The following PARPBP variants were observed in gnomAD, a reference collection of about 807,000 sequenced individuals.
PARPBP encodes the protein PARP1 binding protein.
PARPBP carries 52 observed loss-of-function variants against 50.0 expected under a neutral mutation model. That is an observed-to-expected ratio of 1.04 (90% confidence interval 0.83 to 1.31). The LOEUF (loss-of-function observed/expected upper bound fraction) is 1.31. Ranked by LOEUF, PARPBP falls within the 50% of genes most tolerant of loss-of-function variation. The pLI, the probability that PARPBP is intolerant of heterozygous loss-of-function variation, is 0.00. For synonymous variants in PARPBP, 244 were observed against 232.1 expected (o/e 1.05, Z -0.47); for missense variants, 697 against 672.0 (o/e 1.04, Z -0.41).
In PARPBP at chr12:102,120,226, CA is replaced by C. The variant is rs1003438255; in HGVS notation, c.-63del. 26 of 222,262 alleles carry C rather than the reference CA, an allele frequency of 1.2e-4. No homozygotes were observed. Among genetic ancestry groups the C allele is most frequent in the Non-Finnish European group, 2.2e-4 (23 of 103,922 alleles). 13.8% of individuals were successfully genotyped at this position (222,262 alleles called of 1,614,324 possible). A position where few individuals can be genotyped will look rare whatever the true frequency, so the allele number is the denominator to read the frequency against. On this transcript the variant is annotated 5_prime_UTR_variant, in exon 1 of 11. Coordinates refer to ENST00000327680, the MANE Select transcript of PARPBP (RefSeq NM_017915.5). ...GGCGACTGCGGCGGCCGCGGGAGGG[CA>C]TCCCGTTGGGGATCCTTCCGCACAC... is the stretch of plus-strand genomic sequence containing the variant.
intron 9 of PARPBP, among the ~76,000 whole-genome samples, chr12:102,193,129 T>A (rs1394700606): frequency 1.3e-5 from 2 of 151,858 alleles, no homozygotes; most frequent in African/African-American, 4.8e-5. Flanking sequence ...AGAATTTGTC[T>A]GTGGGGGAGG....
chr12:102,168,652 G>A (rs1332046047), intron 6 of PARPBP, among the ~76,000 whole-genome samples: 1 of 152,170 alleles, frequency 6.6e-6, no homozygotes, highest in Non-Finnish European at 1.5e-5. Context: ...GTTTCTGGGA[G>A]CCAGGGATAA....
intron 8 of PARPBP, among the ~76,000 whole-genome samples, chr12:102,181,087 G>C (rs1669813367): frequency 6.6e-6 from 1 of 152,070 alleles, no homozygotes; most frequent in African/African-American, 2.4e-5. Flanking sequence ...CTATTTCTAT[G>C]TTTTTCTCTT....
intron 9 of PARPBP, among the ~76,000 whole-genome samples, chr12:102,192,979 AT>A (rs1890937322): frequency 6.6e-6 from 1 of 151,624 alleles, no homozygotes; most frequent in South Asian, 2.1e-4. Flanking sequence ...ATTTTAATAT[AT>A]TTATAAATAA....
At chr12:102,183,057 A>G (rs1050393463) in intron 9 of PARPBP, among the ~76,000 whole-genome samples, 1 of 152,202 alleles carries the variant, frequency 6.6e-6, no homozygotes, top group Non-Finnish European at 1.5e-5. Context: ...AGCATTTTAC[A>G]CTGCTCTTGA....
chr12:102,165,989 C>T (rs887241506), intron 6 of PARPBP, 106 bp downstream of exon 6: 19 of 703,466 alleles, frequency 2.7e-5, no homozygotes, highest in South Asian at 6.1e-5. Context: ...TCAGACCAAA[C>T]GGTGAGGCGA....
chr12:102,165,094 C>T (rs979016548), intron 5 of PARPBP, among the ~76,000 whole-genome samples: 1 of 152,134 alleles, frequency 6.6e-6, no homozygotes, highest in Non-Finnish European at 1.5e-5. Context: ...ATCGACATTT[C>T]ACAGGATTTG....
At chr12:102,170,533 A>G (rs1370829992) in intron 6 of PARPBP, among the ~76,000 whole-genome samples, 1 of 152,258 alleles carries the variant, frequency 6.6e-6, no homozygotes, top group Non-Finnish European at 1.5e-5. Flanking sequence ...AGAATGCAGT[A>G]TAAAACATAA....
intron 9 of PARPBP, among the ~76,000 whole-genome samples, chr12:102,186,701 C>T (rs1032934077): frequency 6.6e-6 from 1 of 152,150 alleles, no homozygotes; most frequent in Non-Finnish European, 1.5e-5. Context: ...GTAGTTTGCA[C>T]ATCAGGCACA....
In PARPBP at chr12:102,171,762, G is replaced by C. The variant is rs537023586; in HGVS notation, c.822-3721G>C. Among the ~76,000 whole-genome samples the C allele has an allele frequency of 1.8e-3, 281 of 151,962 alleles. 1 individual carries two copies. Among genetic ancestry groups the C allele is most frequent in the African/African-American group, 6.6e-3 (272 of 41,468 alleles). On this transcript the variant is annotated intron_variant, in intron 6 of 10. Transcript: ENST00000327680. ...CGGGCGCCTGTAGTCCCAGCTACTC[G>C]GGAGGCTGAGGCAGGAGAATGGCGT... is the stretch of plus-strand genomic sequence containing the variant.
At chr12:102,150,250 A>G (rs1466855828) in intron 3 of PARPBP, 2 of 455,346 alleles carry the variant, frequency 4.4e-6, no homozygotes, top group Non-Finnish European at 8.8e-6. Flanking sequence ...CTCTGATACT[A>G]TTGTTTGTTC....
intron 9 of PARPBP, among the ~76,000 whole-genome samples, chr12:102,184,610 G>T (rs766161514): frequency 1.3e-5 from 2 of 152,086 alleles, no homozygotes; most frequent in Non-Finnish European, 2.9e-5. Flanking sequence ...TACTAATGAG[G>T]TTATAATTAC....
chr12:102,157,646 T>C (rs548706273), intron 4 of PARPBP, among the ~76,000 whole-genome samples: 97 of 152,322 alleles, frequency 6.4e-4, no homozygotes, highest in African/African-American at 2.3e-3. Flanking sequence ...ACTCAGGTTA[T>C]CCTGAATTGC....
Position 102,148,477 on chromosome 12 carries a change from A to AC in PARPBP, c.387+14_387+15insC. On this transcript the variant is annotated intron_variant, in intron 3 of 10. Coordinates refer to ENST00000327680, the MANE Select transcript of PARPBP (RefSeq NM_017915.5). ...ACAGTATCTCCTGTAAGTATTTTTT[A>AC]AACAATTCTATTTTAATCAAATTAA... The AC allele has an allele frequency of 3.0e-6, 3 of 1,005,372 alleles. No homozygotes were observed. The highest frequency in any genetic ancestry group is 3.1e-5 in the South Asian group (2 of 64,858). The allele number at this position is 1,005,372 out of a possible 1,614,324, so 62.3% of individuals were successfully genotyped here. A position where few individuals can be genotyped will look rare whatever the true frequency, so the allele number is the denominator to read the frequency against.
chr12:102,135,620 A>G (rs1462585587), intron 2 of PARPBP, among the ~76,000 whole-genome samples: 1 of 151,700 alleles, frequency 6.6e-6, no homozygotes, highest in Non-Finnish European at 1.5e-5. Context: ...GGAAATAAAG[A>G]TTAGTTTAAT....
At chr12:102,188,874 T>C (rs1376401039) in intron 9 of PARPBP, among the ~76,000 whole-genome samples, 1 of 152,042 alleles carries the variant, frequency 6.6e-6, no homozygotes, top group Non-Finnish European at 1.5e-5. Context: ...TTTTCCAGAA[T>C]TGTAAAAACA....
chr12:102,195,839 C>A (rs201330441), intron 10 of PARPBP, 112 bp from the exon 11 acceptor site: 3 of 561,366 alleles, frequency 5.3e-6, no homozygotes, highest in African/African-American at 4.4e-5. Flanking sequence ...CATTATTTTA[C>A]TTTAAAAATT....
intron 1 of PARPBP, among the ~76,000 whole-genome samples, chr12:102,122,389 A>G (rs1284945126): frequency 6.6e-6 from 1 of 152,234 alleles, no homozygotes; most frequent in Admixed American, 6.5e-5. Flanking sequence ...AGTGGCATGT[A>G]TCTTTGCTCT....
intron 2 of PARPBP, among the ~76,000 whole-genome samples, chr12:102,141,582 G>T (rs527932303): frequency 0.014 from 2,083 of 152,234 alleles, 33 homozygotes; most frequent in Middle Eastern, 0.024. Flanking sequence ...TCCTAGCCTT[G>T]ATGGTCTTTA....
Sources: gnomAD v4.1 joint callset for allele counts (sites outside exome capture counted in the v4.1 genomes callset) on GRCh38, gnomAD v4.1.1 for gene constraint, MANE v1.5 for transcripts, NCBI Gene and HGNC (gene_info 2026-07-23, HGNC 2026-07-21) for gene names.